Variants in ACTR3C observed in about 807,000 individuals in gnomAD.
The protein encoded by ACTR3C is actin-related protein 3C.
A neutral mutation model predicts 26.3 loss-of-function variants in ACTR3C; 18 were observed. The ratio of observed to expected loss-of-function variants is 0.68; its 90% CI spans 0.47 to 1.01. The LOEUF (loss-of-function observed/expected upper bound fraction) is 1.01, where lower values mean the gene tolerates loss of function less well. ACTR3C is among the 50% of genes least tolerant of loss of function. ACTR3C has a pLI of 0.00. For synonymous variants in ACTR3C, 55 were observed against 94.5 expected, an observed-to-expected ratio of 0.58 and a Z score of 2.42; for missense variants, 184 against 250.7, an observed-to-expected ratio of 0.73 and a Z score of 1.80.
At chr7:150,037,602 A>G in the ACTR3C span, among the ~76,000 whole-genome samples, 1 of 63,088 alleles carries the variant, frequency 1.6e-5, no homozygotes, top group African/African-American at 7.6e-5. Context: ...GGCTCTCAGT[A>G]ATCCCACGTA....
chr7:150,281,099 C>T (rs1288105768), intron 6 of ACTR3C, among the ~76,000 whole-genome samples: 2 of 151,892 alleles, frequency 1.3e-5, no homozygotes, highest in Non-Finnish European at 2.9e-5. Flanking sequence ...CACAGGTAGC[C>T]GAGGTCAGGA....
the ACTR3C span, among the ~76,000 whole-genome samples, chr7:150,126,141 C>T: frequency 9.8e-5 from 15 of 152,294 alleles, no homozygotes; most frequent in African/African-American, 2.9e-4. Context: ...ACTTTGCAAC[C>T]GACACTCAGG....
At chr7:150,147,946 T>C in the ACTR3C span, among the ~76,000 whole-genome samples, 2 of 147,662 alleles carry the variant, frequency 1.4e-5, no homozygotes, top group African/African-American at 5.0e-5. Flanking sequence ...AGCTAAAGGA[T>C]GAGAACACAG....
chr7:150,250,750 T>A (rs1170027158), intron 6 of ACTR3C, among the ~76,000 whole-genome samples: 1 of 151,786 alleles, frequency 6.6e-6, no homozygotes, highest in Admixed American at 6.5e-5. Flanking sequence ...TGGCCACTAA[T>A]TGAGGTGAAG....
chr7:150,018,762 T>C, the ACTR3C span, among the ~76,000 whole-genome samples: 51,831 of 149,970 alleles, frequency 0.35, 10,236 homozygotes, highest in East Asian at 0.44. Context: ...CCCACAACTT[T>C]GTCACTAAAT....
At chr7:150,087,928 G>A in the ACTR3C span, among the ~76,000 whole-genome samples, 49 of 152,286 alleles carry the variant, frequency 3.2e-4, no homozygotes, top group African/African-American at 1.2e-3. Context: ...AAGAGATGAT[G>A]GTTTCAGTAA....
chr7:149,994,529 AG>A, the ACTR3C span, among the ~76,000 whole-genome samples: 1 of 152,152 alleles, frequency 6.6e-6, no homozygotes, highest in African/African-American at 2.4e-5. Flanking sequence ...CCCGGGAGGC[AG>A]AGGTTGCAGT....
intron 1 of ACTR3C, among the ~76,000 whole-genome samples, chr7:150,299,568 C>T (rs1325789507): frequency 6.6e-6 from 1 of 150,858 alleles, no homozygotes; most frequent in African/African-American, 2.4e-5. Context: ...GGTGGATCAC[C>T]TGAGGTCAGG....
At chr7:149,932,319 T>G in the ACTR3C span, among the ~76,000 whole-genome samples, 1 of 151,766 alleles carries the variant, frequency 6.6e-6, no homozygotes, top group Non-Finnish European at 1.5e-5. Context: ...TGCTGAAGGC[T>G]GGGGGAAGGA....
At chr7:150,200,067 A>G in the ACTR3C span, among the ~76,000 whole-genome samples, 1 of 152,230 alleles carries the variant, frequency 6.6e-6, no homozygotes, top group Non-Finnish European at 1.5e-5. Context: ...CAAGTAAATC[A>G]GAGCCATAAT....
At chr7:150,025,507 C>T in the ACTR3C span, among the ~76,000 whole-genome samples, 5 of 134,046 alleles carry the variant, frequency 3.7e-5, no homozygotes, top group African/African-American at 1.3e-4. Flanking sequence ...GACGAAAGCC[C>T]CCTCTCTTTT....
chr7:149,960,012 T>C, the ACTR3C span, among the ~76,000 whole-genome samples: 1 of 151,294 alleles, frequency 6.6e-6, no homozygotes, highest in East Asian at 1.9e-4. Flanking sequence ...GCTGGAACAA[T>C]ATGGCACTTG....
the ACTR3C span, among the ~76,000 whole-genome samples, chr7:150,113,346 T>A: frequency 3.1e-3 from 470 of 152,212 alleles, 3 homozygotes; most frequent in African/African-American, 0.011. Context: ...AGATTGAGAA[T>A]CTCCCACTAA....
At chr7:150,091,705 G>A in the ACTR3C span, among the ~76,000 whole-genome samples, 24 of 142,932 alleles carry the variant, frequency 1.7e-4, no homozygotes, top group East Asian at 4.2e-3. Context: ...ATTCCTGGCC[G>A]GGCGCGGTGG....
intron 6 of ACTR3C, among the ~76,000 whole-genome samples, chr7:150,277,217 G>C (rs1055932462): frequency 2.0e-5 from 3 of 152,182 alleles, no homozygotes; most frequent in African/African-American, 7.2e-5. Context: ...GTGGCCAGGT[G>C]TGGTGGCTCA....
chr7:150,274,983 A>G lies in ACTR3C; in HGVS notation c.564+9770T>C. Among the ~76,000 whole-genome samples the G allele has an allele frequency of 6.6e-6, 1 of 152,232 alleles. No homozygotes were observed. The highest frequency in any genetic ancestry group is 1.5e-5 in the Non-Finnish European group (1 of 68,032). The stretch of plus-strand genomic sequence containing the variant: ...CTCCCACAGCCCACTCAGAACTGCA[A>G]CTGGAAATCCAAACGCATTCAAAAA... On this transcript the variant is annotated intron_variant, in intron 6 of 7. Transcript: ENST00000683684. This position sits in a 1 kb window ranked among gnomAD's most constrained non-coding sequence, Gnocchi z 4.1.
intron 6 of ACTR3C, among the ~76,000 whole-genome samples, chr7:150,263,279 C>T (rs1202434560): frequency 2.0e-5 from 3 of 152,172 alleles, no homozygotes; most frequent in Non-Finnish European, 4.4e-5. Flanking sequence ...GTAATAAAGA[C>T]TGTTCTCTTA....
At chr7:150,162,967 C>CA in the ACTR3C span, among the ~76,000 whole-genome samples, 1 of 152,048 alleles carries the variant, frequency 6.6e-6, no homozygotes, top group Non-Finnish European at 1.5e-5. Context: ...GTCTGGCCAA[C>CA]ATGGTGAAAC....
intron 1 of ACTR3C, among the ~76,000 whole-genome samples, chr7:150,318,401 T>C (rs1218190039): frequency 6.6e-6 from 1 of 152,218 alleles, no homozygotes; most frequent in African/African-American, 2.4e-5. Context: ...TTTCTGTTGT[T>C]TTAGGCTACC....
Sources: allele counts gnomAD v4.1 joint callset (sites outside exome capture counted in the v4.1 genomes callset), GRCh38; gene constraint gnomAD v4.1.1; non-coding constraint Gnocchi (gnomAD v3.1); transcripts MANE v1.5; gene names NCBI Gene and HGNC (gene_info 2026-07-23, HGNC 2026-07-21).